AP4E1: variants seen among roughly 807,000 people sequenced by gnomAD.
AP4E1 encodes the protein AP-4 complex subunit epsilon-1.
AP4E1 carries 56 observed loss-of-function variants against 128.2 expected under a neutral mutation model. The ratio of observed to expected loss-of-function variants is 0.44; its 90% confidence interval spans 0.35 to 0.55. AP4E1 has a LOEUF of 0.55. AP4E1 is among the 20% of genes least tolerant of loss of function. The pLI is 0.00. For synonymous variants in AP4E1, 484 were observed against 473.1 expected, an observed-to-expected ratio of 1.02 and a Z score of -0.30; for missense variants, 1,324 against 1,307.7, an observed-to-expected ratio of 1.01 and a Z score of -0.19.
chr15:50,974,872 T>TAA (rs74782084), intron 15 of AP4E1, among the ~76,000 whole-genome samples: 7 of 145,710 alleles, frequency 4.8e-5, no homozygotes, highest in African/African-American at 1.7e-4. Context: ...GGTTATTAGT[T>TAA]AAAAAAAAAA....
At chr15:50,941,319 T>G in intron 8 of AP4E1, 123 bp from the exon 9 acceptor site, 1 of 1,106,072 alleles carries the variant, frequency 9.0e-7, no homozygotes, top group South Asian at 1.4e-5. Flanking sequence ...CTGTGAAAAG[T>G]CCATAAATAA....
intron 15 of AP4E1, among the ~76,000 whole-genome samples, chr15:50,982,288 T>C (rs1195133887): frequency 6.6e-6 from 1 of 152,076 alleles, no homozygotes; most frequent in Non-Finnish European, 1.5e-5. Flanking sequence ...TATGTTGCAT[T>C]GTCTTATAGC....
chr15:50,936,674 G>T (rs957983011), intron 8 of AP4E1, among the ~76,000 whole-genome samples: 1 of 152,042 alleles, frequency 6.6e-6, no homozygotes, highest in Non-Finnish European at 1.5e-5. Context: ...GGTGGCTCAC[G>T]CCTGTGATCC....
intron 16 of AP4E1, among the ~76,000 whole-genome samples, chr15:50,986,681 T>C (rs2064728743): frequency 6.6e-6 from 1 of 152,194 alleles, no homozygotes; most frequent in Non-Finnish European, 1.5e-5. Flanking sequence ...GTGGATAATC[T>C]TTTTGATGTG....
chr15:50,988,801 C>T (rs1220469484), intron 16 of AP4E1, among the ~76,000 whole-genome samples: 1 of 152,134 alleles, frequency 6.6e-6, no homozygotes, highest in Non-Finnish European at 1.5e-5. Flanking sequence ...AGGGACCATC[C>T]GTAGTCACCT....
rs540392659 is a variant in AP4E1, at chr15:50,909,076, T to G, written c.150+148T>G. The G allele has an allele frequency of 7.5e-6, 10 of 1,334,300 alleles. No individual in the cohort carries two copies. In the South Asian group the frequency reaches 1.5e-4, roughly 20 times the overall value. The allele number at this position is 1,334,300 out of a possible 1,614,324, so 82.7% of individuals were successfully genotyped here. A position where few individuals can be genotyped will look rare whatever the true frequency, so the allele number is the denominator to read the frequency against. ...TGCTGTGTCGGTTCGTCCTTTCGTC[T>G]GCCTGGAAGCTTCACTTTCCTGCTG... On this transcript the variant is annotated intron_variant, in intron 1 of 20. Transcript: ENST00000261842.
Position 50,915,510 on chromosome 15 carries a change from C to T in AP4E1, c.285C>T (p.Ser95=). ...IYCEMLGYDA[S]FGYIHAIKLA... Reference sequence around the variant, plus strand: ...GTGAAATGCTTGGATATGATGCTTCCTTTGGCTATATTCATGCAATCAAGT... The same window carrying T: ...GTGAAATGCTTGGATATGATGCTTCTTTTGGCTATATTCATGCAATCAAGT... The change falls in exon 3 of 21, where the codon TCC becomes TCT. Residue 95 remains serine, a synonymous_variant. Transcript: ENST00000261842. 5.6e-6 allele frequency: 9 copies of T among 1,613,500 alleles called. No individual in the cohort carries two copies. Among genetic ancestry groups the T allele is most frequent in the Non-Finnish European group, 7.6e-6 (9 of 1,179,720 alleles).
intron 16 of AP4E1, among the ~76,000 whole-genome samples, chr15:50,990,629 G>A (rs1469711846): frequency 2.0e-5 from 3 of 151,982 alleles, no homozygotes; most frequent in South Asian, 2.1e-4. Context: ...CAAGTGATCC[G>A]CCTGCCTCAG....
chr15:50,968,661 T>C (rs1487418094), intron 15 of AP4E1, among the ~76,000 whole-genome samples: 1 of 152,196 alleles, frequency 6.6e-6, no homozygotes, highest in Admixed American at 6.5e-5. Flanking sequence ...AGAGTCTTGC[T>C]CTGTCACCCA....
At chr15:50,910,485 G>C (rs1418211610) in intron 1 of AP4E1, among the ~76,000 whole-genome samples, 1 of 152,182 alleles carries the variant, frequency 6.6e-6, no homozygotes, top group Non-Finnish European at 1.5e-5. Flanking sequence ...TTGGGCTTAA[G>C]ACAAGTATAA....
intron 15 of AP4E1, among the ~76,000 whole-genome samples, chr15:50,979,114 T>C (rs1018981284): frequency 6.6e-6 from 1 of 152,160 alleles, no homozygotes; most frequent in Non-Finnish European, 1.5e-5. Flanking sequence ...TTATCTTTAA[T>C]GTGCATAGAA....
chr15:50,991,622 T>G (rs1332655063), intron 16 of AP4E1, among the ~76,000 whole-genome samples: 1 of 152,154 alleles, frequency 6.6e-6, no homozygotes, highest in South Asian at 2.1e-4. Context: ...AAAGGGATAC[T>G]CAGCAGTAAA....
intron 20 of AP4E1, among the ~76,000 whole-genome samples, chr15:51,001,669 A>C (rs895302330): frequency 6.6e-6 from 1 of 152,168 alleles, no homozygotes; most frequent in Middle Eastern, 3.2e-3. Context: ...AGGTTGATCC[A>C]TGTTGTAGAA....
intron 5 of AP4E1, 111 bp from the exon 6 acceptor site, chr15:50,928,898 T>G: frequency 9.9e-7 from 1 of 1,010,878 alleles, no homozygotes; most frequent in Non-Finnish European, 1.5e-6. Context: ...TCTCTTTCTT[T>G]GTAAATTAAG....
rs1273157783 is a variant in AP4E1 at position 50,930,858 on chromosome 15, G to A, written c.756G>A (p.Lys252=). ...DLTGSFVTIL[K]QVVGGKLPVE... ...CTGGGAGTTTTGTAACCATTTTGAA[G>A]CAAGTAGTTGGAGGAAAGCTCCCAG... The change falls in exon 7 of 21, where the codon AAG becomes AAA. Residue 252 remains lysine, a synonymous_variant. Transcript: ENST00000261842. 1 of 1,613,978 alleles carries A rather than the reference G, an allele frequency of 6.2e-7. No individual in the cohort carries two copies. The highest frequency in any genetic ancestry group is 8.5e-7 in the Non-Finnish European group (1 of 1,180,030).
chr15:50,981,613 T>G (rs1157255571), intron 15 of AP4E1, among the ~76,000 whole-genome samples: 1 of 152,194 alleles, frequency 6.6e-6, no homozygotes, highest in African/African-American at 2.4e-5. Flanking sequence ...AAGGACATGA[T>G]TTTGTTGGGG....
In AP4E1 at chr15:50,969,111, G is replaced by A. The variant is rs949847117; in HGVS notation, c.1966+734G>A. On this transcript the variant is annotated intron_variant, in intron 15 of 20. Coordinates refer to ENST00000261842, the MANE Select transcript of AP4E1 (RefSeq NM_007347.5). ...ATTGTACAGCTTATTTCATCACCCA[G>A]GTATTAAGCCTAGTACCCATTAGTT... is the stretch of plus-strand genomic sequence containing the variant. 5.9e-5 allele frequency among the ~76,000 whole-genome samples: 9 copies of A among 151,854 alleles called. No individual in the cohort carries two copies. In the East Asian group the frequency reaches 1.5e-3, roughly 26 times the overall value.
At chr15:50,969,574 T>C (rs1270233415) in intron 15 of AP4E1, among the ~76,000 whole-genome samples, 3 of 152,198 alleles carry the variant, frequency 2.0e-5, no homozygotes, top group Non-Finnish European at 4.4e-5. Flanking sequence ...TTTCAATCCT[T>C]GTATAGTGTT....
At chr15:50,926,230 C>T (rs2063768197) in intron 5 of AP4E1, among the ~76,000 whole-genome samples, 1 of 151,828 alleles carries the variant, frequency 6.6e-6, no homozygotes, top group South Asian at 2.1e-4. Context: ...CTCCACCTCC[C>T]AGGTTTAAGC....
Sources: allele counts gnomAD v4.1 joint callset (sites outside exome capture counted in the v4.1 genomes callset), GRCh38; gene constraint gnomAD v4.1.1; transcripts MANE v1.5; gene names NCBI Gene and HGNC (gene_info 2026-07-23, HGNC 2026-07-21).